Variants in DTNA observed in about 807,000 individuals in gnomAD.
DTNA encodes the protein dystrobrevin alpha, also known as dystrophin-related protein 3.
Under a neutral mutation model 100.7 loss-of-function variants are expected in DTNA, and 43 were observed. The ratio of observed to expected loss-of-function variants is 0.43; its 90% CI spans 0.33 to 0.55. DTNA has a LOEUF of 0.55. DTNA is among the 20% of genes least tolerant of loss of function. The pLI is 0.04. For missense variants in DTNA, 798 were observed against 953.9 expected (o/e 0.84, Z 2.15); for synonymous variants, 349 against 347.9 (o/e 1.00, Z -0.04).
intron 1 of DTNA, among the ~76,000 whole-genome samples, chr18:34,524,164 A>C (rs1010743398): frequency 5.9e-5 from 9 of 152,228 alleles, no homozygotes; most frequent in Non-Finnish European, 1.0e-4. Flanking sequence ...GGACCATATT[A>C]CACATAAACA....
chr18:34,869,254 C>T (rs1353612812), intron 17 of DTNA, among the ~76,000 whole-genome samples: 3 of 152,108 alleles, frequency 2.0e-5, no homozygotes, highest in Non-Finnish European at 2.9e-5. Context: ...TATAGGTATA[C>T]ATACACACAG....
chr18:34,692,992 AAC>A (rs1243650759), intron 1 of DTNA, among the ~76,000 whole-genome samples: 3 of 152,178 alleles, frequency 2.0e-5, no homozygotes, highest in Non-Finnish European at 4.4e-5. Flanking sequence ...GAAGTACATA[AAC>A]ACATTCTGAA....
At chr18:34,568,796 G>A (rs941179798) in intron 1 of DTNA, among the ~76,000 whole-genome samples, 2 of 152,000 alleles carry the variant, frequency 1.3e-5, no homozygotes, top group Admixed American at 1.3e-4. Flanking sequence ...GCTAATTTTT[G>A]TATTTATAGT....
Position 34,656,365 on chromosome 18 carries a change from G to A in DTNA, c.-1-99611G>A, listed in dbSNP as rs746676629. ...ACAGTTTGGATTTTATTTTCTGCACGTCTTGCTAGGAATTAGAAGAATAGA... is the reference window on the plus strand; with the variant it reads ...ACAGTTTGGATTTTATTTTCTGCACATCTTGCTAGGAATTAGAAGAATAGA... On this transcript the variant is annotated intron_variant, in intron 1 of 19. Transcript: ENST00000283365. Among the ~76,000 whole-genome samples the A allele has an allele frequency of 2.0e-5, 3 of 152,140 alleles. No homozygotes were observed. In the South Asian group the frequency reaches 6.2e-4, roughly 32 times the overall value.
chr18:34,841,626 G>T (rs914316883), intron 13 of DTNA, among the ~76,000 whole-genome samples: 1 of 152,060 alleles, frequency 6.6e-6, no homozygotes, highest in Non-Finnish European at 1.5e-5. Context: ...AGTCCTAGAA[G>T]GTTGGATATG....
At chr18:34,803,214 A>G (rs531985489) in intron 4 of DTNA, among the ~76,000 whole-genome samples, 2 of 152,208 alleles carry the variant, frequency 1.3e-5, no homozygotes, top group African/African-American at 4.8e-5. Context: ...ATAACAATAG[A>G]TTCCAGTGGC....
At chr18:34,493,864 C>G (rs1030523999) in intron 1 of DTNA, 1 of 148,004 alleles carries the variant, frequency 6.8e-6, no homozygotes, top group Non-Finnish European at 1.5e-5. Context: ...CCCACCTGTG[C>G]GCCGGCGCCG....
chr18:34,622,921 G>A (rs2056763482), intron 1 of DTNA, among the ~76,000 whole-genome samples: 1 of 152,114 alleles, frequency 6.6e-6, no homozygotes, highest in Non-Finnish European at 1.5e-5. Flanking sequence ...ATGCCGGTTT[G>A]TTTAATAAAT....
At chr18:34,673,170 T>C (rs1351291505) in intron 1 of DTNA, among the ~76,000 whole-genome samples, 4 of 152,148 alleles carry the variant, frequency 2.6e-5, no homozygotes, top group African/African-American at 9.7e-5. Flanking sequence ...CACTGTAACC[T>C]CCGCCTGCTG....
chr18:34,635,920 A>C (rs1455252968), intron 1 of DTNA, among the ~76,000 whole-genome samples: 1 of 152,120 alleles, frequency 6.6e-6, no homozygotes, highest in African/African-American at 2.4e-5. Context: ...TAAAAAAAAA[A>C]ACCTGTGAAA....
chr18:34,786,064 A>G lies in DTNA; in HGVS notation c.149-7973A>G, dbSNP rs191865458. On this transcript the variant is annotated intron_variant, in intron 3 of 22. Coordinates refer to ENST00000444659, the MANE Select transcript of DTNA (RefSeq NM_001386795.1). Reference sequence around the variant, plus strand: ...ACCCCAGTTCTGTGAAGCCTGGCCCACATGTGAGCTCCTTAAAAGCAATTT... The same window carrying G: ...ACCCCAGTTCTGTGAAGCCTGGCCCGCATGTGAGCTCCTTAAAAGCAATTT... 3.5e-4 allele frequency among the ~76,000 whole-genome samples: 54 copies of G among 152,298 alleles called. No individual in the cohort carries two copies. In the East Asian group the frequency reaches 0.01, roughly 28 times the overall value.
intron 1 of DTNA, among the ~76,000 whole-genome samples, 185 bp downstream of exon 1, chr18:34,710,630 G>A (rs2082704264): frequency 6.6e-6 from 1 of 151,638 alleles, no homozygotes; most frequent in African/African-American, 2.4e-5. Context: ...GAAAGTCTAA[G>A]ATGTTGTGAA....
At chr18:34,672,648 G>A (rs2076911933) in intron 1 of DTNA, among the ~76,000 whole-genome samples, 1 of 152,154 alleles carries the variant, frequency 6.6e-6, no homozygotes, top group Non-Finnish European at 1.5e-5. Flanking sequence ...TAGTGAGCAA[G>A]TTGAATAAAA....
At chr18:34,775,274 C>G (rs2093985273) in intron 3 of DTNA, among the ~76,000 whole-genome samples, 1 of 152,138 alleles carries the variant, frequency 6.6e-6, no homozygotes, top group East Asian at 1.9e-4. Context: ...ATCACAAGGT[C>G]AGGAGATCGA....
At chr18:34,848,144 C>A in intron 13 of DTNA, 152 bp from the exon 14 acceptor site, 1 of 725,156 alleles carries the variant, frequency 1.4e-6, no homozygotes, top group South Asian at 1.5e-5. Flanking sequence ...GTTACAAATT[C>A]AAGTCTGAGA....
intron 13 of DTNA, among the ~76,000 whole-genome samples, chr18:34,843,170 G>C (rs1354852824): frequency 6.6e-6 from 1 of 152,066 alleles, no homozygotes; most frequent in African/African-American, 2.4e-5. Context: ...CACTATTATA[G>C]AGTAGCACTT....
At chr18:34,729,725 A>G (rs1364130058) in intron 1 of DTNA, among the ~76,000 whole-genome samples, 2 of 152,094 alleles carry the variant, frequency 1.3e-5, no homozygotes, top group African/African-American at 4.8e-5. Flanking sequence ...AAGTAAACAC[A>G]CTCTAAATTA....
intron 17 of DTNA, among the ~76,000 whole-genome samples, chr18:34,872,073 CACA>C (rs1169518040): frequency 6.6e-6 from 1 of 152,208 alleles, no homozygotes; most frequent in Non-Finnish European, 1.5e-5. Flanking sequence ...TCCCTTAACA[CACA>C]ACGAGAGTCA....
At chr18:34,875,109 A>G in intron 17 of DTNA, 130 bp from the exon 18 acceptor site, 1 of 1,351,444 alleles carries the variant, frequency 7.4e-7, no homozygotes, top group Non-Finnish European at 1.0e-6. Context: ...GATTACCAAC[A>G]CAATTACCTA....
Sources: allele counts gnomAD v4.1 joint callset (sites outside exome capture counted in the v4.1 genomes callset), GRCh38; gene constraint gnomAD v4.1.1; transcripts MANE v1.5; gene names NCBI Gene and HGNC (gene_info 2026-07-23, HGNC 2026-07-21).